The following PRKG1 variants were observed in gnomAD, a reference collection of about 807,000 sequenced individuals.
PRKG1 encodes the protein protein kinase cGMP-dependent 1.
A neutral mutation model predicts 88.1 loss-of-function variants in PRKG1; 35 were observed. That is an observed-to-expected ratio of 0.40 (90% CI 0.30 to 0.53). The LOEUF is 0.53. PRKG1 is among the 20% of genes least tolerant of loss of function. The pLI, the probability that PRKG1 is intolerant of heterozygous loss-of-function variation, is 0.59. For synonymous variants in PRKG1, 303 were observed against 292.5 expected (o/e 1.04, Z -0.37); for missense variants, 540 against 839.8 (o/e 0.64, Z 4.41).
chr10:51,564,094 T>C (rs181577190), intron 3 of PRKG1, among the ~76,000 whole-genome samples: 1 of 152,208 alleles, frequency 6.6e-6, no homozygotes, highest in East Asian at 1.9e-4. Flanking sequence ...TTTAATTATA[T>C]TCTGTTTTCA....
chr10:51,789,257 T>C (rs989765263), intron 3 of PRKG1, among the ~76,000 whole-genome samples: 1 of 152,204 alleles, frequency 6.6e-6, no homozygotes, highest in Non-Finnish European at 1.5e-5. Context: ...ACCAAACATG[T>C]GCAGATATTT....
chr10:51,899,694 T>TATATATATAC (rs1165503542), intron 4 of PRKG1, among the ~76,000 whole-genome samples: 6 of 142,792 alleles, frequency 4.2e-5, no homozygotes, highest in African/African-American at 1.3e-4. Context: ...TATATATATA[T>TATATATATAC]ACAAATTTCT....
At chr10:52,098,299 T>A (rs1847219526) in intron 7 of PRKG1, among the ~76,000 whole-genome samples, 1 of 152,222 alleles carries the variant, frequency 6.6e-6, no homozygotes, top group Non-Finnish European at 1.5e-5. Context: ...CATTAATTTA[T>A]CATGAATCCT....
chr10:52,234,032 A>G (rs1840608037), intron 9 of PRKG1, among the ~76,000 whole-genome samples: 1 of 151,804 alleles, frequency 6.6e-6, no homozygotes, highest in African/African-American at 2.4e-5. Flanking sequence ...TCTAACTGGG[A>G]GGCACCCCCC....
rs1029991615 is a variant in PRKG1, at chr10:51,907,519, C to T, written c.711C>T (p.Phe237=). ...TTTTGTTTTTCAGCGTTCCAACATT[C>T]CAGAGCCTTCCTGAAGAGATCCTCA... The part of the protein sequence containing the change: ...YMEFLKSVPT[F]QSLPEEILSK... The change falls in exon 5 of 18, where the codon TTC becomes TTT. Residue 237 remains phenylalanine, a synonymous_variant. Transcript: ENST00000373980. The T allele has an allele frequency of 5.0e-6, 8 of 1,613,402 alleles. No homozygotes were observed. Among genetic ancestry groups the T allele is most frequent in the African/African-American group, 1.3e-5 (1 of 74,994 alleles).
chr10:51,758,673 T>A (rs1837934411), intron 3 of PRKG1, among the ~76,000 whole-genome samples: 1 of 151,938 alleles, frequency 6.6e-6, no homozygotes, highest in African/African-American at 2.4e-5. Flanking sequence ...CCCAGGCCTG[T>A]GATTTTTTTT....
intron 4 of PRKG1, among the ~76,000 whole-genome samples, chr10:51,810,185 A>G (rs1338659572): frequency 6.6e-6 from 1 of 152,228 alleles, no homozygotes; most frequent in African/African-American, 2.4e-5. Context: ...TATATTTTCA[A>G]TACAAATAAT....
At chr10:51,216,920 A>G (rs534048318) in intron 2 of PRKG1, among the ~76,000 whole-genome samples, 291 of 152,258 alleles carry the variant, frequency 1.9e-3, no homozygotes, top group African/African-American at 6.8e-3. Flanking sequence ...TAGACTTACA[A>G]CTTGTATACA....
intron 2 of PRKG1, among the ~76,000 whole-genome samples, chr10:51,381,549 A>C (rs1837104757): frequency 6.6e-6 from 1 of 152,124 alleles, no homozygotes; most frequent in Non-Finnish European, 1.5e-5. Context: ...TCTAGTCTAT[A>C]GTTTCAAGTT....
chr10:51,981,820 G>A (rs1276988923), intron 5 of PRKG1, among the ~76,000 whole-genome samples: 1 of 151,964 alleles, frequency 6.6e-6, no homozygotes, highest in East Asian at 1.9e-4. Flanking sequence ...AAGTATTTTA[G>A]TGAGGTTATC....
At chr10:51,509,676 A>G (rs1334933236) in intron 3 of PRKG1, among the ~76,000 whole-genome samples, 3 of 152,130 alleles carry the variant, frequency 2.0e-5, no homozygotes, top group Non-Finnish European at 4.4e-5. Context: ...CAGCAGTAAT[A>G]TCTTCTGAAT....
chr10:51,121,382 A>T (rs1413514114), intron 1 of PRKG1, among the ~76,000 whole-genome samples: 3 of 152,118 alleles, frequency 2.0e-5, no homozygotes, highest in African/African-American at 2.4e-5. Context: ...TTTTTGATAC[A>T]TTTAAGCATA....
chr10:52,160,020 C>T (rs1027827500), intron 8 of PRKG1, among the ~76,000 whole-genome samples: 3 of 151,804 alleles, frequency 2.0e-5, no homozygotes, highest in Non-Finnish European at 4.4e-5. Context: ...TGGTGGTGGA[C>T]GTGCTGCTGA....
At chr10:51,722,892 A>G (rs1278641238) in intron 3 of PRKG1, among the ~76,000 whole-genome samples, 1 of 152,226 alleles carries the variant, frequency 6.6e-6, no homozygotes, top group Non-Finnish European at 1.5e-5. Context: ...TAATCCATGT[A>G]AAATAAACAG....
intron 10 of PRKG1, chr10:52,252,366 A>G (rs186869067): frequency 6.6e-6 from 1 of 152,282 alleles, no homozygotes; most frequent in Admixed American, 6.5e-5. Flanking sequence ...TAAAACTGAC[A>G]TAGTGTCACA....
chr10:51,483,789 G>T (rs74132508), intron 3 of PRKG1, among the ~76,000 whole-genome samples: 1 of 152,214 alleles, frequency 6.6e-6, no homozygotes, highest in African/African-American at 2.4e-5. Flanking sequence ...ATTTCATAAG[G>T]CTTTATCATA....
intron 6 of PRKG1, among the ~76,000 whole-genome samples, chr10:52,062,028 A>G (rs1846247760): frequency 6.6e-6 from 1 of 152,190 alleles, no homozygotes; most frequent in African/African-American, 2.4e-5. Flanking sequence ...GTAAGTAAAT[A>G]TATTTACATA....
intron 1 of PRKG1, among the ~76,000 whole-genome samples, chr10:51,109,457 C>T (rs533372074): frequency 1.6e-3 from 250 of 152,038 alleles, no homozygotes; most frequent in African/African-American, 5.7e-3. Flanking sequence ...TGATTTTTGA[C>T]AAAAGCGCAA....
intron 2 of PRKG1, among the ~76,000 whole-genome samples, chr10:51,390,589 C>T (rs1013181907): frequency 6.6e-6 from 1 of 152,154 alleles, no homozygotes; most frequent in African/African-American, 2.4e-5. Flanking sequence ...AGTCTATCAA[C>T]AATTTTCTTT....
Sources: gnomAD v4.1 joint callset for allele counts (sites outside exome capture counted in the v4.1 genomes callset) on GRCh38, gnomAD v4.1.1 for gene constraint, MANE v1.5 for transcripts, NCBI Gene and HGNC (gene_info 2026-07-23, HGNC 2026-07-21) for gene names.